PTPRT: variants seen among roughly 807,000 people sequenced by gnomAD.
PTPRT encodes the protein receptor-type tyrosine-protein phosphatase T.
In PTPRT, 56 loss-of-function variants were observed where a neutral mutation model predicts 176.8. The ratio of observed to expected loss-of-function variants is 0.32; its 90% CI spans 0.26 to 0.40. The LOEUF is 0.40. Among genes scored for constraint, PTPRT ranks in the 10% least tolerant of loss-of-function variants. The pLI, the probability that PTPRT is intolerant of heterozygous loss-of-function variation, is 1.00. For synonymous variants in PTPRT, 783 were observed against 739.0 expected (o/e 1.06, Z -0.96); for missense variants, 1,540 against 1,908.2 (o/e 0.81, Z 3.60).
intron 12 of PTPRT, among the ~76,000 whole-genome samples, chr20:42,293,930 T>G (rs534691043): frequency 6.6e-6 from 1 of 152,176 alleles, no homozygotes; most frequent in African/African-American, 2.4e-5. Flanking sequence ...AACACCAAAT[T>G]TTCCCACATA....
intron 9 of PTPRT, among the ~76,000 whole-genome samples, chr20:42,373,980 C>A (rs1415190430): frequency 6.6e-6 from 1 of 152,194 alleles, no homozygotes; most frequent in Non-Finnish European, 1.5e-5. Flanking sequence ...TGGGGTCTGT[C>A]ACCCTGTTTG....
Position 42,076,178 on chromosome 20 carries a change from T to G in PTPRT, c.*4701A>C, listed in dbSNP as rs751102465. 3 of 203,660 alleles carry G rather than the reference T, an allele frequency of 1.5e-5. No individual in the cohort carries two copies. The highest frequency in any genetic ancestry group is 2.3e-5 in the African/African-American group (1 of 43,698). 12.6% of individuals were successfully genotyped at this position (203,660 alleles called of 1,614,324 possible). A position where few individuals can be genotyped will look rare whatever the true frequency, so the allele number is the denominator to read the frequency against. On this transcript the variant is annotated 3_prime_UTR_variant, in exon 31 of 31. Transcript: ENST00000373187. ...AGGAATTAATTGTGCCATAGTAATCTCGATTTCCTAATAGTGCCCCCTCCA... is the reference window on the plus strand; with the variant it reads ...AGGAATTAATTGTGCCATAGTAATCGCGATTTCCTAATAGTGCCCCCTCCA...
At chr20:42,806,003 AT>A (rs3092354) in intron 2 of PTPRT, among the ~76,000 whole-genome samples, 2,465 of 140,322 alleles carry the variant, frequency 0.018, 25 homozygotes, top group African/African-American at 0.038. Flanking sequence ...TATAGGGAAG[AT>A]TTTTTTTTTT....
At chr20:42,803,020 G>A (rs2077552964) in intron 2 of PTPRT, among the ~76,000 whole-genome samples, 1 of 152,234 alleles carries the variant, frequency 6.6e-6, no homozygotes. Flanking sequence ...ATCAGTGGCA[G>A]AAGCGGCATT....
At chr20:42,556,552 A>G (rs1279100602) in intron 7 of PTPRT, among the ~76,000 whole-genome samples, 2 of 158 alleles carry the variant, frequency 0.013, no homozygotes, top group Admixed American at 0.083. Context: ...CTATCCCTAT[A>G]TATATATATA....
chr20:42,186,738 A>G (rs1191876382), intron 16 of PTPRT, among the ~76,000 whole-genome samples: 1 of 152,096 alleles, frequency 6.6e-6, no homozygotes, highest in East Asian at 1.9e-4. Context: ...GAAAAAATAG[A>G]CTACAGAATG....
chr20:43,181,969 G>T (rs2015269730), intron 1 of PTPRT, among the ~76,000 whole-genome samples: 1 of 152,156 alleles, frequency 6.6e-6, no homozygotes, highest in Admixed American at 6.5e-5. Context: ...ACGCACAAAA[G>T]CATAATTACA....
At chr20:43,163,816 T>C (rs955045798) in intron 1 of PTPRT, among the ~76,000 whole-genome samples, 1 of 152,174 alleles carries the variant, frequency 6.6e-6, no homozygotes, top group Non-Finnish European at 1.5e-5. Context: ...TTTGTGTGCA[T>C]AGAAAGAAGT....
chr20:42,987,976 A>G (rs2146101020), intron 1 of PTPRT, among the ~76,000 whole-genome samples: 1 of 152,296 alleles, frequency 6.6e-6, no homozygotes, highest in Middle Eastern at 3.4e-3. Context: ...AAGGGATCCC[A>G]CAGACAGGCC....
rs1159094345 is a variant in PTPRT, at chr20:42,624,005, C to CAAAAAAAAAACAAACAAACA, written c.1153+53860_1153+53861insTGTTTGTTTGTTTTTTTTTT. On this transcript the variant is annotated intron_variant, in intron 7 of 30. Transcript: ENST00000373187. Reference sequence around the variant, plus strand: ...CCCACGAAGGAAAACAAAACAATAGCAACAAACAAACAAACAAACAAAAAA... The same window carrying CAAAAAAAAAACAAACAAACA: ...CCCACGAAGGAAAACAAAACAATAGCAAAAAAAAAACAAACAAACAAACAAACAAACAAACAAACAAAAAA... 2.4e-4 allele frequency among the ~76,000 whole-genome samples: 33 copies of CAAAAAAAAAACAAACAAACA among 135,684 alleles called. 1 individual carries two copies. The highest frequency in any genetic ancestry group is 4.2e-4 in the Non-Finnish European group (27 of 64,950). 89.0% of individuals were successfully genotyped at this position (135,684 alleles called of 152,430 possible).
chr20:42,169,255 A>G (rs1989968547), intron 16 of PTPRT, among the ~76,000 whole-genome samples: 2 of 152,142 alleles, frequency 1.3e-5, no homozygotes, highest in Admixed American at 1.3e-4. Flanking sequence ...ACGCAGATTC[A>G]GTGTTAGGAA....
At chr20:42,840,333 G>A (rs2078255763) in intron 2 of PTPRT, among the ~76,000 whole-genome samples, 1 of 152,082 alleles carries the variant, frequency 6.6e-6, no homozygotes. Context: ...CTGCAATGAC[G>A]GTATTTCCAA....
intron 15 of PTPRT, among the ~76,000 whole-genome samples, chr20:42,204,665 G>C (rs2055406661): frequency 2.0e-5 from 3 of 152,100 alleles, no homozygotes; most frequent in Admixed American, 2.0e-4. Flanking sequence ...TCTGACCTTC[G>C]CTTGTTAGCT....
rs542198203 is a variant in PTPRT at position 42,397,248 on chromosome 20, T to C, written c.1561-44963A>G. Among the ~76,000 whole-genome samples the C allele has an allele frequency of 3.9e-5, 6 of 152,342 alleles. No individual in the cohort carries two copies. The South Asian group carries it at 1.2e-3, about 32-fold the overall frequency. On this transcript the variant is annotated intron_variant, in intron 9 of 30. Transcript: ENST00000373187. ...CACACAGGTTATAAACAATTTTTTGTTTTTGTGAAACAAATCTCTAGGAAA... is the reference window on the plus strand; with the variant it reads ...CACACAGGTTATAAACAATTTTTTGCTTTTGTGAAACAAATCTCTAGGAAA...
intron 11 of PTPRT, among the ~76,000 whole-genome samples, chr20:42,316,968 A>G (rs921560142): frequency 6.6e-6 from 1 of 152,190 alleles, no homozygotes; most frequent in Non-Finnish European, 1.5e-5. Flanking sequence ...TTCACTGGCT[A>G]GATTGTGACC....
intron 7 of PTPRT, among the ~76,000 whole-genome samples, chr20:42,623,298 T>C (rs6030368): frequency 0.21 from 32,100 of 152,168 alleles, 4,635 homozygotes; most frequent in African/African-American, 0.41. Flanking sequence ...ACACCCACCC[T>C]TAGAGACAAC....
At chr20:42,679,927 G>A (rs1462283467) in intron 6 of PTPRT, among the ~76,000 whole-genome samples, 1 of 152,134 alleles carries the variant, frequency 6.6e-6, no homozygotes, top group African/African-American at 2.4e-5. Context: ...TGCGAGGAAT[G>A]GGATTATATG....
At chr20:42,334,999 G>A (rs375960921) in intron 11 of PTPRT, among the ~76,000 whole-genome samples, 1 of 152,208 alleles carries the variant, frequency 6.6e-6, no homozygotes, top group African/African-American at 2.4e-5. Context: ...ATCAGTGGAT[G>A]AGCAGTTTTA....
chr20:42,791,681 T>C (rs1002392562), intron 2 of PTPRT, among the ~76,000 whole-genome samples: 1 of 152,182 alleles, frequency 6.6e-6, no homozygotes, highest in African/African-American at 2.4e-5. Flanking sequence ...AATAAGGTGG[T>C]TTTAAGAATT....
Sources: gnomAD v4.1 joint callset for allele counts (sites outside exome capture counted in the v4.1 genomes callset) on GRCh38, gnomAD v4.1.1 for gene constraint, MANE v1.5 for transcripts, NCBI Gene and HGNC (gene_info 2026-07-23, HGNC 2026-07-21) for gene names.